The following DLGAP4 variants were observed in gnomAD, a reference collection of about 807,000 sequenced individuals.
DLGAP4 encodes disks large-associated protein 4.
A neutral mutation model predicts 86.9 loss-of-function variants in DLGAP4; 18 were observed. The ratio of observed to expected loss-of-function variants is 0.21; its 90% CI spans 0.14 to 0.31. The LOEUF (loss-of-function observed/expected upper bound fraction) is 0.31. Ranked by LOEUF, DLGAP4 falls within the 10% of genes least tolerant of loss-of-function variation. The pLI is 1.00. For synonymous variants in DLGAP4, 548 were observed against 574.3 expected, an observed-to-expected ratio of 0.95 and a Z score of 0.65; for missense variants, 1,085 against 1,362.6, an observed-to-expected ratio of 0.80 and a Z score of 3.21.
intron 10 of DLGAP4, among the ~76,000 whole-genome samples, chr20:36,517,991 A>G (rs1487025642): frequency 6.6e-6 from 1 of 152,168 alleles, no homozygotes; most frequent in Non-Finnish European, 1.5e-5. Context: ...TTGGGAGGCC[A>G]AGGTGGACAG....
At chr20:36,430,145 C>T (rs1424790261) in intron 2 of DLGAP4, among the ~76,000 whole-genome samples, 1 of 152,216 alleles carries the variant, frequency 6.6e-6, no homozygotes, top group Non-Finnish European at 1.5e-5. Flanking sequence ...AAGTTTTGGA[C>T]TAGTATTTCC....
intron 1 of DLGAP4, among the ~76,000 whole-genome samples, chr20:36,340,419 C>T (rs2065367195): frequency 6.6e-6 from 1 of 152,110 alleles, no homozygotes; most frequent in South Asian, 2.1e-4. Context: ...GTGCACGGGT[C>T]TCCAGTGACT....
chr20:36,429,729 C>T (rs1380906087), intron 2 of DLGAP4, among the ~76,000 whole-genome samples: 1 of 152,086 alleles, frequency 6.6e-6, no homozygotes, highest in Non-Finnish European at 1.5e-5. Context: ...TTATAGGGAC[C>T]GTGTGATTAG....
chr20:36,423,233 G>A lies in DLGAP4; in HGVS notation c.-72-8413G>A, dbSNP rs374399849. 2.2e-4 allele frequency among the ~76,000 whole-genome samples: 33 copies of A among 152,006 alleles called. 1 individual carries two copies. In the East Asian group the frequency reaches 6.2e-3, roughly 29 times the overall value. On this transcript the variant is annotated intron_variant, in intron 2 of 12. Transcript: ENST00000339266. ...TCCCAGCATTTTGGGAGGCTGAGGC[G>A]GGCGGATCACTTGAGCTCAGGAGTT...
intron 2 of DLGAP4, among the ~76,000 whole-genome samples, chr20:36,425,548 G>A (rs999145296): frequency 2.0e-4 from 23 of 117,750 alleles, no homozygotes; most frequent in African/African-American, 6.5e-4. Flanking sequence ...CATAGGGGCT[G>A]GGCGTGGTGG....
chr20:36,449,998 G>A (rs2033694250), intron 7 of DLGAP4, among the ~76,000 whole-genome samples: 1 of 152,218 alleles, frequency 6.6e-6, no homozygotes, highest in African/African-American at 2.4e-5. Context: ...TTCTCCTTAT[G>A]GTGATGGCAG....
chr20:36,336,635 G>GGTGTGTGT lies in DLGAP4; in HGVS notation c.-304+30125_-304+30132dup, dbSNP rs1251864388. 5.9e-5 allele frequency among the ~76,000 whole-genome samples: 9 copies of GGTGTGTGT among 152,302 alleles called. No individual in the cohort carries two copies. In the East Asian group the frequency reaches 1.5e-3, roughly 26 times the overall value. On this transcript the variant is annotated intron_variant, in intron 1 of 12. Coordinates refer to ENST00000339266, the MANE Select transcript of DLGAP4 (RefSeq NM_001365621.2). Reference sequence around the variant, plus strand: ...TGGATGAGTGACTCTCCTAACTGTGGGTGTGTGTGGGACTAAGGGGACAAT... The same window carrying GGTGTGTGT: ...TGGATGAGTGACTCTCCTAACTGTGGGTGTGTGTGTGTGTGTGGGACTAAGGGGACAAT...
intron 2 of DLGAP4, among the ~76,000 whole-genome samples, chr20:36,387,813 T>C (rs1005908663): frequency 2.6e-5 from 4 of 152,246 alleles, no homozygotes; most frequent in African/African-American, 9.6e-5. Flanking sequence ...CCCATGTATT[T>C]ATGGATCTGT....
chr20:36,498,127 G>C (rs905036315), intron 8 of DLGAP4: 1 of 152,286 alleles, frequency 6.6e-6, no homozygotes, highest in African/African-American at 2.4e-5. Flanking sequence ...CTGGAATGCA[G>C]GAGCGTGGGA....
chr20:36,500,319 C>G lies in DLGAP4; in HGVS notation c.2220C>G (p.Pro740=). The G allele has an allele frequency of 5.0e-6, 8 of 1,614,080 alleles. No homozygotes were observed. The highest frequency in any genetic ancestry group is 1.1e-5 in the South Asian group (1 of 91,058). The change falls in exon 10 of 13, where the codon CCC becomes CCG. Residue 740 remains proline (P), a synonymous_variant. Transcript: ENST00000339266. This position sits in a 1 kb window ranked among gnomAD's most constrained non-coding sequence, Gnocchi z 4.6. ...GCCTCCCGGACTGTACCCCTCACCC[C>G]AACTCCATCAGCATCGATGCCGGTC... ...ERSLPDCTPH[P]NSISIDAGPR...
At chr20:36,467,064 C>CTCTCTCCCCCTCTCT (rs1555907464) in intron 7 of DLGAP4, among the ~76,000 whole-genome samples, 9 of 118,150 alleles carry the variant, frequency 7.6e-5, no homozygotes, top group African/African-American at 3.9e-4. Context: ...CTCTCTCTCT[C>CTCTCTCCCCCTCTCT]CCCCCCCCTT....
intron 7 of DLGAP4, among the ~76,000 whole-genome samples, chr20:36,463,078 G>A (rs926255367): frequency 6.6e-6 from 1 of 152,084 alleles, no homozygotes; most frequent in Non-Finnish European, 1.5e-5. Context: ...CAGAACACCA[G>A]AGTGGGCAAG....
intron 2 of DLGAP4, among the ~76,000 whole-genome samples, chr20:36,382,530 T>TC (rs1425732486): frequency 4.5e-5 from 6 of 134,318 alleles, no homozygotes; most frequent in African/African-American, 1.2e-4. Flanking sequence ...TTTTTTTCTT[T>TC]TTTTTTTTTT....
chr20:36,340,381 G>A (rs781998161), intron 1 of DLGAP4, among the ~76,000 whole-genome samples: 3 of 152,104 alleles, frequency 2.0e-5, no homozygotes, highest in Non-Finnish European at 4.4e-5. Flanking sequence ...GTGGTTCCCC[G>A]CACGTGGCTG....
chr20:36,453,934 C>CAAAAAAAAAAAAAAAAAA (rs1194294335), intron 7 of DLGAP4, among the ~76,000 whole-genome samples: 1 of 42,686 alleles, frequency 2.3e-5, no homozygotes, highest in East Asian at 6.7e-4. Context: ...ACTCTGTCTC[C>CAAAAAAAAAAAAAAAAAA]AAAAAAAAAA....
At chr20:36,513,053 G>A (rs1005644387) in intron 10 of DLGAP4, among the ~76,000 whole-genome samples, 2 of 136,494 alleles carry the variant, frequency 1.5e-5, no homozygotes, top group African/African-American at 5.5e-5. Context: ...CCAGGCTCAA[G>A]CAATCCTCCC....
intron 1 of DLGAP4, among the ~76,000 whole-genome samples, chr20:36,341,996 G>T (rs782665876): frequency 6.6e-6 from 1 of 152,212 alleles, no homozygotes; most frequent in Admixed American, 6.5e-5. Flanking sequence ...ACAGCAGCAG[G>T]CTGTTGGATC....
At chr20:36,508,478 G>A (rs2036512958) in intron 10 of DLGAP4, among the ~76,000 whole-genome samples, 1 of 140,820 alleles carries the variant, frequency 7.1e-6, no homozygotes, top group South Asian at 2.2e-4. Context: ...CTAGTCTGGA[G>A]TGCAATGGCG....
intron 2 of DLGAP4, among the ~76,000 whole-genome samples, chr20:36,380,578 AC>A (rs1035512262): frequency 2.7e-5 from 4 of 145,850 alleles, no homozygotes; most frequent in African/African-American, 1.0e-4. Context: ...AGAGAGCAAG[AC>A]CCTGTCTGCA....
Sources: gnomAD v4.1 joint callset for allele counts (sites outside exome capture counted in the v4.1 genomes callset) on GRCh38, gnomAD v4.1.1 for gene constraint, Gnocchi (gnomAD v3.1) non-coding constraint, MANE v1.5 for transcripts, NCBI Gene and HGNC (gene_info 2026-07-23, HGNC 2026-07-21) for gene names.